RAMP3: variants seen among roughly 807,000 people sequenced by gnomAD.
RAMP3 encodes the protein receptor activity-modifying protein 3.
In RAMP3, 14 loss-of-function variants were observed where a neutral mutation model predicts 13.5. That is an observed-to-expected ratio of 1.04 (90% CI 0.69 to 1.63). The LOEUF (loss-of-function observed/expected upper bound fraction) is 1.63. RAMP3 is among the 40% of genes most tolerant of loss of function. The pLI, the probability that RAMP3 is intolerant of heterozygous loss-of-function variation, is 0.00. For missense variants in RAMP3, 200 were observed against 204.8 expected, an observed-to-expected ratio of 0.98 and a Z score of 0.14; for synonymous variants, 106 against 88.3, an observed-to-expected ratio of 1.20 and a Z score of -1.12.
Position 45,157,834 on chromosome 7 carries a change from G to A in RAMP3, c.6G>A (p.Glu2=), listed in dbSNP as rs67477213. 0.23 allele frequency: 330,762 copies of A among 1,439,148 alleles called. 41,668 individuals are homozygous for A. The highest frequency in any genetic ancestry group is 0.47 in the African/African-American group (31,638 of 67,098). 89.1% of individuals were successfully genotyped at this position (1,439,148 alleles called of 1,614,324 possible). The change falls in exon 1 of 3, where the codon GAG becomes GAA. Residue 2 remains glutamate, a synonymous_variant. Coordinates refer to ENST00000242249, the MANE Select transcript of RAMP3 (RefSeq NM_005856.3). The part of the protein sequence containing the change: M[E]TGALRRPQLL... ...CCAGCTGCGGCCGGCCAGCCATGGA[G>A]ACTGGAGCGCTGCGGCGCCCGCAAC...
Position 45,166,706 on chromosome 7 carries a change from G to A in RAMP3, c.58+8820G>A, listed in dbSNP as rs187789812. ...TTTTTCTTTTGTTTCTTGGGTTTTT[G>A]GTGTCATGTATAAGAAGGCTTTTTC... is the stretch of plus-strand genomic sequence containing the variant. On this transcript the variant is annotated intron_variant, in intron 1 of 2. Transcript: ENST00000242249. 1.2e-4 allele frequency among the ~76,000 whole-genome samples: 19 copies of A among 152,060 alleles called. No individual in the cohort carries two copies. The East Asian group carries it at 3.7e-3, about 29-fold the overall frequency.
intron 2 of RAMP3, among the ~76,000 whole-genome samples, chr7:45,178,488 C>T (rs1584076974): frequency 1.3e-5 from 2 of 152,248 alleles, no homozygotes; most frequent in African/African-American, 2.4e-5. Flanking sequence ...CAGGAAGCCT[C>T]CCCGGCCCTG....
chr7:45,179,134 T>A (rs1041693513), intron 2 of RAMP3, among the ~76,000 whole-genome samples: 1 of 152,264 alleles, frequency 6.6e-6, no homozygotes, highest in African/African-American at 2.4e-5. Context: ...CGTGGCACAG[T>A]GTCCCAGAGA....
At chr7:45,173,861 A>G (rs1786125930) in intron 1 of RAMP3, among the ~76,000 whole-genome samples, 1 of 152,190 alleles carries the variant, frequency 6.6e-6, no homozygotes, top group South Asian at 2.1e-4. Context: ...GGGTCCTCAC[A>G]TTCATGGCGC....
chr7:45,157,791 A>G lies in RAMP3; in HGVS notation c.-38A>G. 1 of 733,862 alleles carries G rather than the reference A, an allele frequency of 1.4e-6. No individual in the cohort carries two copies. The highest frequency in any genetic ancestry group is 1.8e-6 in the Non-Finnish European group (1 of 544,548). 45.5% of individuals were successfully genotyped at this position (733,862 alleles called of 1,614,324 possible). On this transcript the variant is annotated 5_prime_UTR_variant, in exon 1 of 3. Coordinates refer to ENST00000242249, the MANE Select transcript of RAMP3 (RefSeq NM_005856.3). ...CCGGGCGTCCCCCAGCCGCGCCCCCAGCGGGACCGAGCGTGACCCAGCTGC... is the reference window on the plus strand; with the variant it reads ...CCGGGCGTCCCCCAGCCGCGCCCCCGGCGGGACCGAGCGTGACCCAGCTGC...
intron 1 of RAMP3, among the ~76,000 whole-genome samples, chr7:45,167,257 T>C (rs1033168527): frequency 6.6e-6 from 1 of 151,810 alleles, no homozygotes; most frequent in African/African-American, 2.4e-5. Flanking sequence ...GCGCCCGGCC[T>C]GTGATCCATT....
At chr7:45,181,584 C>T (rs986731836) in intron 2 of RAMP3, among the ~76,000 whole-genome samples, 8 of 152,178 alleles carry the variant, frequency 5.3e-5, no homozygotes, top group African/African-American at 1.9e-4. Context: ...CACATAGATG[C>T]TGGGAACTTC....
rs1338368468 is a variant in RAMP3, at chr7:45,157,865, C to T, written c.37C>T (p.Pro13Ser). 2.1e-6 allele frequency: 3 copies of T among 1,411,992 alleles called. No individual in the cohort carries two copies. The highest frequency in any genetic ancestry group is 2.7e-6 in the Non-Finnish European group (3 of 1,092,000). The allele number at this position is 1,411,992 out of a possible 1,614,324, so 87.5% of individuals were successfully genotyped here. A position where few individuals can be genotyped will look rare whatever the true frequency, so the allele number is the denominator to read the frequency against. The change falls in exon 1 of 3, where the codon CCG becomes TCG. Residue 13 changes from proline to serine, a missense_variant. Coordinates refer to ENST00000242249, the MANE Select transcript of RAMP3 (RefSeq NM_005856.3). Reference sequence around the variant, plus strand: ...AGCGCTGCGGCGCCCGCAACTTCTCCCGTTGCTGCTGCTGCTCTGCGGTAA... The same window carrying T: ...AGCGCTGCGGCGCCCGCAACTTCTCTCGTTGCTGCTGCTGCTCTGCGGTAA... ...TGALRRPQLL[P>S]LLLLLCGGCP...
rs541406711 is a variant in RAMP3, at chr7:45,166,909, G to A, written c.58+9023G>A. Among the ~76,000 whole-genome samples the A allele has an allele frequency of 1.5e-3, 228 of 149,142 alleles. 1 individual carries two copies. The highest frequency in any genetic ancestry group is 5.5e-3 in the African/African-American group (218 of 39,842). ...TTGTGCCTCAGCCTCCCGAATAGCT[G>A]GGTAATCTAAGAGTTTTATAATTTA... is the stretch of plus-strand genomic sequence containing the variant. On this transcript the variant is annotated intron_variant, in intron 1 of 2. Transcript: ENST00000242249.
intron 1 of RAMP3, among the ~76,000 whole-genome samples, chr7:45,162,505 C>T (rs1438496583): frequency 6.6e-6 from 1 of 152,168 alleles, no homozygotes; most frequent in Non-Finnish European, 1.5e-5. Context: ...GGTGACATGC[C>T]ACCTGGAGAC....
At position 45,177,592 on chromosome 7, in the gene RAMP3, G is replaced by A. The variant is rs1786218404; in HGVS notation, c.191+151G>A. The stretch of plus-strand genomic sequence containing the variant: ...CGTAGGCCACCCACAGCCCTTTCAT[G>A]TGCTGCCCCACACTTTGCCCAGGGC... On this transcript the variant is annotated intron_variant, in intron 2 of 2. Transcript: ENST00000242249. 9.0e-6 allele frequency: 11 copies of A among 1,217,022 alleles called. No individual in the cohort carries two copies. In the East Asian group the frequency reaches 2.5e-4, roughly 28 times the overall value. The allele number at this position is 1,217,022 out of a possible 1,614,324, so 75.4% of individuals were successfully genotyped here.
At chr7:45,166,218 A>G (rs2128655887) in intron 1 of RAMP3, among the ~76,000 whole-genome samples, 1 of 149,706 alleles carries the variant, frequency 6.7e-6, no homozygotes, top group Non-Finnish European at 1.5e-5. Context: ...TCTGTTGCCC[A>G]GTCTGGAGTG....
intron 2 of RAMP3, among the ~76,000 whole-genome samples, chr7:45,179,140 A>C (rs1479850343): frequency 6.6e-6 from 1 of 152,194 alleles, no homozygotes; most frequent in African/African-American, 2.4e-5. Flanking sequence ...ACAGTGTCCC[A>C]GAGAGGGAGG....
intron 2 of RAMP3, among the ~76,000 whole-genome samples, chr7:45,182,898 C>A (rs1786345323): frequency 6.6e-6 from 1 of 152,150 alleles, no homozygotes; most frequent in Non-Finnish European, 1.5e-5. Context: ...GGGCTGAGAC[C>A]CTGGATCCTG....
intron 2 of RAMP3, among the ~76,000 whole-genome samples, chr7:45,178,323 C>T (rs1409253248): frequency 6.6e-6 from 1 of 152,178 alleles, no homozygotes; most frequent in African/African-American, 2.4e-5. Flanking sequence ...CATGGCCTCA[C>T]AGTCCTCTGC....
chr7:45,157,985 C>T (rs1785792353), intron 1 of RAMP3, 99 bp downstream of exon 1: 2 of 1,170,258 alleles, frequency 1.7e-6, no homozygotes, highest in East Asian at 6.4e-5. Context: ...CGCGGTCCTT[C>T]CCTTGCCCCG....
intron 1 of RAMP3, among the ~76,000 whole-genome samples, chr7:45,176,320 T>C (rs552349034): frequency 9.9e-5 from 15 of 152,172 alleles, no homozygotes; most frequent in Non-Finnish European, 2.1e-4. Flanking sequence ...ATGACAGGGC[T>C]GTGTACACAC....
intron 1 of RAMP3, among the ~76,000 whole-genome samples, chr7:45,167,828 C>T (rs1307851253): frequency 6.6e-6 from 1 of 151,340 alleles, no homozygotes; most frequent in Admixed American, 6.6e-5. Flanking sequence ...TCAGGTGATC[C>T]ACCCGCCATG....
intron 1 of RAMP3, among the ~76,000 whole-genome samples, chr7:45,176,883 C>T (rs536710817): frequency 1.1e-4 from 17 of 152,328 alleles, no homozygotes; most frequent in East Asian, 7.7e-4. Context: ...CCTCCTCTGC[C>T]GCCCCTGCAG....
Sources: allele counts gnomAD v4.1 joint callset (sites outside exome capture counted in the v4.1 genomes callset), GRCh38; gene constraint gnomAD v4.1.1; transcripts MANE v1.5; gene names NCBI Gene and HGNC (gene_info 2026-07-23, HGNC 2026-07-21).